Variants in PPP2R2B observed in about 807,000 individuals in gnomAD.
The protein encoded by PPP2R2B is serine/threonine-protein phosphatase 2A 55 kDa regulatory subunit B beta isoform.
In PPP2R2B, 5 loss-of-function variants were observed where a neutral mutation model predicts 46.0. The ratio of observed to expected loss-of-function variants is 0.11; its 90% CI spans 0.06 to 0.23. The LOEUF (loss-of-function observed/expected upper bound fraction) is 0.23, where lower values mean the gene tolerates loss of function less well. Ranked by LOEUF, PPP2R2B falls within the 10% of genes least tolerant of loss-of-function variation. The pLI is 1.00. For synonymous variants in PPP2R2B, 215 were observed against 206.7 expected, an observed-to-expected ratio of 1.04 and a Z score of -0.34; for missense variants, 367 against 575.0, an observed-to-expected ratio of 0.64 and a Z score of 3.70.
chr5:146,900,554 TCTTCCTTCCTTCCTTC>T (rs145747835), intron 1 of PPP2R2B, among the ~76,000 whole-genome samples: 21 of 110,054 alleles, frequency 1.9e-4, no homozygotes, highest in Non-Finnish European at 3.0e-4. Context: ...TTCCTTCCTT[TCTTCCTTCCTTCCTTC>T]CTTCCTTCCT....
At chr5:147,027,328 A>T (rs1755571510) in intron 1 of PPP2R2B, among the ~76,000 whole-genome samples, 1 of 151,490 alleles carries the variant, frequency 6.6e-6, no homozygotes, top group Non-Finnish European at 1.5e-5. Context: ...TGTTGTATGG[A>T]TTTCACCTCA....
intron 1 of PPP2R2B, among the ~76,000 whole-genome samples, chr5:147,036,980 C>G (rs181389041): frequency 3.3e-5 from 5 of 152,096 alleles, no homozygotes; most frequent in African/African-American, 1.2e-4. Flanking sequence ...TTTAATTCCA[C>G]GTTAATCCTA....
At chr5:146,903,539 G>A (rs1175705343) in intron 1 of PPP2R2B, among the ~76,000 whole-genome samples, 1 of 151,804 alleles carries the variant, frequency 6.6e-6, no homozygotes, top group Non-Finnish European at 1.5e-5. Context: ...GGGACTATAG[G>A]TGCATGCCAC....
chr5:146,706,854 C>A, intron 2 of PPP2R2B: 1 of 1,178,038 alleles, frequency 8.5e-7, no homozygotes, highest in Non-Finnish European at 1.3e-6. Flanking sequence ...CTGTCCGTGT[C>A]CAGGGAGCGG....
chr5:147,073,488 C>T (rs1193114725), intron 2 of PPP2R2B, among the ~76,000 whole-genome samples: 1 of 152,124 alleles, frequency 6.6e-6, no homozygotes, highest in Non-Finnish European at 1.5e-5. Context: ...CATAGGAAAT[C>T]CCCCTGTAGC....
At chr5:146,990,259 C>A (rs1374045545) in intron 1 of PPP2R2B, among the ~76,000 whole-genome samples, 2 of 151,682 alleles carry the variant, frequency 1.3e-5, no homozygotes, top group Non-Finnish European at 2.9e-5. Flanking sequence ...GTGCAAAAGA[C>A]CCTGAATTAC....
intron 2 of PPP2R2B, among the ~76,000 whole-genome samples, chr5:146,785,993 A>G (rs925486003): frequency 6.6e-6 from 1 of 152,132 alleles, no homozygotes; most frequent in African/African-American, 2.4e-5. Flanking sequence ...AGTTATCAAT[A>G]ATTTGTTATA....
At chr5:146,902,699 T>C (rs1435360243) in intron 1 of PPP2R2B, among the ~76,000 whole-genome samples, 1 of 152,266 alleles carries the variant, frequency 6.6e-6, no homozygotes, top group Admixed American at 6.5e-5. Context: ...AAAAGCCATC[T>C]GTGGTTCCCC....
In PPP2R2B at chr5:147,037,730, C is replaced by T. The variant is rs183025615; in HGVS notation, c.79+17935G>A. Among the ~76,000 whole-genome samples, 477 of 152,210 alleles carry T rather than the reference C, an allele frequency of 3.1e-3. 1 individual carries two copies. The highest frequency in any genetic ancestry group is 9.8e-3 in the South Asian group (47 of 4,812). On this transcript the variant is annotated intron_variant, in intron 1 of 8. Transcript: ENST00000336640. Reference sequence around the variant, plus strand: ...TGAGTCAGACTGGGAGCAGCATTTCCTAACTGCCCACTCACAGGCACATTG... The same window carrying T: ...TGAGTCAGACTGGGAGCAGCATTTCTTAACTGCCCACTCACAGGCACATTG...
chr5:146,837,049 A>C (rs1343166848), intron 2 of PPP2R2B, among the ~76,000 whole-genome samples: 1 of 152,228 alleles, frequency 6.6e-6, no homozygotes, highest in Non-Finnish European at 1.5e-5. Flanking sequence ...TAAAATTTAG[A>C]AGGAAAAATA....
intron 7 of PPP2R2B, among the ~76,000 whole-genome samples, chr5:146,632,874 T>A (rs1358861554): frequency 2.6e-5 from 4 of 152,106 alleles, no homozygotes. Context: ...CAAGCCAGTG[T>A]GGCCAGGCTA....
At chr5:146,871,687 G>C (rs1413662618) in intron 2 of PPP2R2B, among the ~76,000 whole-genome samples, 1 of 152,204 alleles carries the variant, frequency 6.6e-6, no homozygotes, top group African/African-American at 2.4e-5. Context: ...TGGGATATAT[G>C]TGGAGGGTGG....
chr5:146,595,127 C>G (rs79986461), intron 8 of PPP2R2B, among the ~76,000 whole-genome samples: 3,773 of 152,292 alleles, frequency 0.025, 136 homozygotes, highest in African/African-American at 0.076. Flanking sequence ...CCAAACAGTT[C>G]CAGGCCTTGT....
chr5:147,004,789 C>A (rs1378568235), intron 1 of PPP2R2B, among the ~76,000 whole-genome samples: 1 of 152,146 alleles, frequency 6.6e-6, no homozygotes, highest in East Asian at 1.9e-4. Context: ...TTTCTTTATA[C>A]ATCACAGAGA....
chr5:146,598,095 TTG>T (rs1771376527), intron 8 of PPP2R2B, among the ~76,000 whole-genome samples: 1 of 152,240 alleles, frequency 6.6e-6, no homozygotes, highest in African/African-American at 2.4e-5. Context: ...GTTGAAACAG[TTG>T]TCTGTCCTCA....
rs1056841535 is a variant in PPP2R2B, at chr5:147,011,889, T to C, written c.79+43776A>G. ...ATATGTTGGATTACATTTATTGATT[T>C]GCGTATATTGAACCAGCCTTGCATC... On this transcript the variant is annotated intron_variant, in intron 1 of 8. Transcript: ENST00000336640. Among the ~76,000 whole-genome samples, 10 of 107,810 alleles carry C rather than the reference T, an allele frequency of 9.3e-5. 1 individual carries two copies. The highest frequency in any genetic ancestry group is 6.6e-4 in the Admixed American group (7 of 10,580). The allele number at this position is 107,810 out of a possible 152,430, so 70.7% of individuals were successfully genotyped here. A position where few individuals can be genotyped will look rare whatever the true frequency, so the allele number is the denominator to read the frequency against.
intron 3 of PPP2R2B, among the ~76,000 whole-genome samples, chr5:146,698,553 G>A (rs1279169394): frequency 6.6e-6 from 1 of 151,490 alleles, no homozygotes; most frequent in Non-Finnish European, 1.5e-5. Context: ...TACTTACATC[G>A]ACCCCTTAAA....
At chr5:146,984,842 A>G (rs1335853707) in intron 1 of PPP2R2B, among the ~76,000 whole-genome samples, 1 of 151,956 alleles carries the variant, frequency 6.6e-6, no homozygotes, top group African/African-American at 2.4e-5. Context: ...AGCATTTTTC[A>G]TATATCTGCT....
At chr5:146,603,496 G>T (rs987424730) in intron 7 of PPP2R2B, among the ~76,000 whole-genome samples, 5 of 152,208 alleles carry the variant, frequency 3.3e-5, no homozygotes, top group Non-Finnish European at 7.3e-5. Context: ...AATGAAAGAT[G>T]ACAATTCTTC....
Sources: gnomAD v4.1 joint callset for allele counts (sites outside exome capture counted in the v4.1 genomes callset) on GRCh38, gnomAD v4.1.1 for gene constraint, MANE v1.5 for transcripts, NCBI Gene and HGNC (gene_info 2026-07-23, HGNC 2026-07-21) for gene names.